PSRC1: variants seen among roughly 807,000 people sequenced by gnomAD.
PSRC1 encodes the protein proline/serine-rich coiled-coil protein 1.
A neutral mutation model predicts 31.9 loss-of-function variants in PSRC1; 30 were observed. That is an observed-to-expected ratio of 0.94 (90% CI 0.70 to 1.28). The LOEUF (loss-of-function observed/expected upper bound fraction) is 1.28, where lower values mean the gene tolerates loss of function less well. PSRC1 is among the 50% of genes most tolerant of loss of function. The pLI is 0.00. For missense variants in PSRC1, 481 were observed against 472.8 expected, an observed-to-expected ratio of 1.02 and a Z score of -0.16; for synonymous variants, 191 against 192.1, an observed-to-expected ratio of 0.99 and a Z score of 0.05.
intron 3 of PSRC1, 103 bp downstream of exon 3, chr1:109,282,415 A>G: frequency 8.7e-7 from 1 of 1,147,222 alleles, no homozygotes; most frequent in Non-Finnish European, 1.3e-6. Context: ...CAAGTGCGCC[A>G]AACCTTGCTA....
At position 109,283,051 on chromosome 1, in the gene PSRC1, C is replaced by T; in HGVS notation, c.-34+23G>A. On this transcript the variant is annotated intron_variant, in intron 1 of 6. Coordinates refer to ENST00000409138, the Ensembl canonical transcript of PSRC1. ...ACCTTTCCACTCCCCTGGCATCACA[C>T]GCGAAGCACACCTCCAGCCCACCCT... 2.5e-6 allele frequency: 1 copy of T among 406,344 alleles called. No homozygotes were observed. Among genetic ancestry groups the T allele is most frequent in the Non-Finnish European group, 4.5e-6 (1 of 223,022 alleles). The allele number at this position is 406,344 out of a possible 1,614,324, so 25.2% of individuals were successfully genotyped here.
At chr1:109,282,312 T>A in intron 3 of PSRC1, 1 of 619,968 alleles carries the variant, frequency 1.6e-6, no homozygotes, top group Non-Finnish European at 2.8e-6. Flanking sequence ...ATCCTTCTTC[T>A]TAACACCCTG....
In PSRC1 at chr1:109,282,576, C is replaced by G. The variant is rs188105285; in HGVS notation, c.20-1G>C. 1.2e-5 allele frequency: 20 copies of G among 1,613,710 alleles called. No homozygotes were observed. The African/African-American group carries it at 1.6e-4, about 13-fold the overall frequency. Reference sequence around the variant, plus strand: ...GTCTCATCCACAATAAACCTTACATCTGAAGGGGAAAGAAGAATGAAAGCC... The same window carrying G: ...GTCTCATCCACAATAAACCTTACATGTGAAGGGGAAAGAAGAATGAAAGCC... On this transcript the variant is annotated splice_acceptor_variant, in intron 2 of 6. Coordinates refer to ENST00000409138, the Ensembl canonical transcript of PSRC1. LOFTEE classifies it high-confidence loss of function.
exon 7 of PSRC1, chr1:109,279,893 AT>A: frequency 1.8e-6 from 1 of 553,090 alleles, no homozygotes; most frequent in South Asian, 2.6e-5. Context: ...CTCATCTTCT[AT>A]TTGTTCATTT....
chr1:109,282,770 A>C (rs957866201), intron 1 of PSRC1, 34 bp from the exon 2 acceptor site: 3 of 1,546,816 alleles, frequency 1.9e-6, no homozygotes, highest in Non-Finnish European at 2.6e-6. Context: ...TCAGGTATCC[A>C]TTCTGCCCAA....
rs533912697 is a variant in PSRC1 at position 109,279,876 on chromosome 1, T to C, written c.*277A>G. 7.6e-6 allele frequency: 4 copies of C among 528,296 alleles called. No individual in the cohort carries two copies. In the South Asian group the frequency reaches 1.1e-4, roughly 15 times the overall value. The allele number at this position is 528,296 out of a possible 1,614,324, so 32.7% of individuals were successfully genotyped here. ...GGTGGATAAAGACAAACCACTTGCCTGTACTTCTCATCTTCTATTTGTTCA... is the reference window on the plus strand; with the variant it reads ...GGTGGATAAAGACAAACCACTTGCCCGTACTTCTCATCTTCTATTTGTTCA... On this transcript the variant is annotated 3_prime_UTR_variant, in exon 7 of 7. Transcript: ENST00000409138.
At chr1:109,282,412 G>T in intron 3 of PSRC1, 106 bp downstream of exon 3, 2 of 1,081,402 alleles carry the variant, frequency 1.8e-6, no homozygotes, top group Non-Finnish European at 2.8e-6. Context: ...CCCCAAGTGC[G>T]CCAAACCTTG....
intron 6 of PSRC1, 105 bp from the exon 8 acceptor site, chr1:109,280,261 C>T: frequency 6.8e-7 from 1 of 1,460,194 alleles, no homozygotes; most frequent in Non-Finnish European, 9.6e-7. Flanking sequence ...AATGGGATCC[C>T]CCTTCCCCTG....
intron 5 of PSRC1, 137 bp from the exon 7 acceptor site, chr1:109,280,626 C>G (rs1208755241): frequency 4.2e-6 from 4 of 955,028 alleles, no homozygotes; most frequent in Non-Finnish European, 6.2e-6. Flanking sequence ...AAGACTCAGA[C>G]TCTGTCCAGC....
chr1:109,282,824 T>C, intron 1 of PSRC1, 88 bp from the exon 2 acceptor site: 1 of 1,337,168 alleles, frequency 7.5e-7, no homozygotes. Flanking sequence ...TCGGGGGTCA[T>C]GCTGGAGGCA....
intron 1 of PSRC1, 27 bp downstream of exon 1, chr1:109,283,036 T>G: frequency 2.3e-6 from 1 of 426,514 alleles, no homozygotes; most frequent in Non-Finnish European, 4.2e-6. Flanking sequence ...ACCTTTCCAC[T>G]CCCCTGGCAT....
exon 5 of PSRC1, chr1:109,281,113 A>G (rs370847517): frequency 6.2e-7 from 1 of 1,613,458 alleles, no homozygotes; most frequent in Non-Finnish European, 8.5e-7. Context: ...CTCACCCGCA[A>G]CTTGGCTGCT....
exon 4 of PSRC1, chr1:109,281,843 C>G: frequency 6.2e-7 from 1 of 1,613,862 alleles, no homozygotes; most frequent in Non-Finnish European, 8.5e-7. Flanking sequence ...CCCTCGCCTG[C>G]GCTCTCCCGA....
At chr1:109,282,286 T>C in intron 3 of PSRC1, 1 of 611,008 alleles carries the variant, frequency 1.6e-6, no homozygotes, top group East Asian at 2.8e-5. Flanking sequence ...AGGATGGAGA[T>C]GCAGCAAATC....
chr1:109,282,859 T>G lies in PSRC1; in HGVS notation c.-33-128A>C. 8 of 819,846 alleles carry G rather than the reference T, an allele frequency of 9.8e-6. No homozygotes were observed. In the South Asian group the frequency reaches 1.2e-4, roughly 12 times the overall value. 50.8% of individuals were successfully genotyped at this position (819,846 alleles called of 1,614,324 possible). A position where few individuals can be genotyped will look rare whatever the true frequency, so the allele number is the denominator to read the frequency against. ...AAAGCAAGCGCCCAGGAGTGGCACC[T>G]CCCGCACAGCTACTCCTGCTACCTC... On this transcript the variant is annotated intron_variant, in intron 1 of 6. Coordinates refer to ENST00000409138, the Ensembl canonical transcript of PSRC1.
At chr1:109,279,947 C>A in exon 7 of PSRC1, 1 of 670,036 alleles carries the variant, frequency 1.5e-6, no homozygotes, top group South Asian at 1.9e-5. Context: ...CTTCTTTCAA[C>A]CCAGAGAGTT....
intron 6 of PSRC1, 115 bp from the exon 8 acceptor site, chr1:109,280,271 GC>G: frequency 7.0e-7 from 1 of 1,430,870 alleles, no homozygotes; most frequent in Non-Finnish European, 9.8e-7. Context: ...CCCTTCCCCT[GC>G]CCCAGGCTCC....
exon 5 of PSRC1, chr1:109,281,039 G>A (rs1164287729): frequency 3.1e-6 from 5 of 1,613,498 alleles, no homozygotes; most frequent in Non-Finnish European, 4.2e-6. Context: ...TGATGGGGGT[G>A]GGTGGGCCTG....
exon 7 of PSRC1, chr1:109,280,109 T>C (rs1330179693): frequency 3.1e-6 from 5 of 1,613,910 alleles, no homozygotes; most frequent in Admixed American, 1.7e-5. Flanking sequence ...AGGTACTGAC[T>C]GTAGTGGTTT....
Sources: allele counts gnomAD v4.1 joint callset, GRCh38; gene constraint gnomAD v4.1.1; transcripts MANE v1.5; gene names NCBI Gene and HGNC (gene_info 2026-07-23, HGNC 2026-07-21).